RNF144A: variants seen among roughly 807,000 people sequenced by gnomAD.
RNF144A encodes the protein E3 ubiquitin-protein ligase RNF144A.
In RNF144A, 11 loss-of-function variants were observed where a neutral mutation model predicts 38.7. That is an observed-to-expected ratio of 0.28 (90% confidence interval 0.18 to 0.47). The LOEUF (loss-of-function observed/expected upper bound fraction) is 0.47, where lower values mean the gene tolerates loss of function less well. RNF144A is among the 20% of genes least tolerant of loss of function. RNF144A has a pLI of 0.99. For missense variants in RNF144A, 316 were observed against 377.2 expected (o/e 0.84, Z 1.34); for synonymous variants, 149 against 143.9 (o/e 1.04, Z -0.25).
the RNF144A span, among the ~76,000 whole-genome samples, chr2:7,075,288 C>G: frequency 2.2e-4 from 33 of 151,412 alleles, no homozygotes; most frequent in African/African-American, 5.1e-4. Flanking sequence ...ACATCCCCCC[C>G]CCCACACAGT....
chr2:7,061,384 T>C (rs1256863399), intron 6 of RNF144A, among the ~76,000 whole-genome samples: 2 of 152,224 alleles, frequency 1.3e-5, no homozygotes, highest in Non-Finnish European at 2.9e-5. Context: ...TAGTAGATAT[T>C]TTCTATTGTT....
chr2:6,980,134 G>A (rs751782571), intron 2 of RNF144A, among the ~76,000 whole-genome samples: 5 of 152,196 alleles, frequency 3.3e-5, no homozygotes, highest in Non-Finnish European at 5.9e-5. Context: ...CCCTCAACAT[G>A]TGAAGATTAC....
chr2:6,967,504 C>T (rs925361328), intron 2 of RNF144A, among the ~76,000 whole-genome samples: 1 of 152,208 alleles, frequency 6.6e-6, no homozygotes, highest in African/African-American at 2.4e-5. Flanking sequence ...CGCCCTGTGG[C>T]ACCCTGCCCT....
At chr2:6,974,954 G>C (rs545725259) in intron 2 of RNF144A, among the ~76,000 whole-genome samples, 1 of 152,192 alleles carries the variant, frequency 6.6e-6, no homozygotes, top group South Asian at 2.1e-4. Context: ...ATGATTGCTT[G>C]GTTATAACCG....
chr2:6,922,913 C>T lies in RNF144A; in HGVS notation c.-212+5291C>T, dbSNP rs113540914. ...TGCTGGGATTACAGGCGTGAGCCAC[C>T]GCGCCCGGCCTCCTGCTTTTTCATA... On this transcript the variant is annotated intron_variant, in intron 1 of 8. Transcript: ENST00000320892. Among the ~76,000 whole-genome samples, 672 of 152,264 alleles carry T rather than the reference C, an allele frequency of 4.4e-3. 2 individuals are homozygous for T. Among genetic ancestry groups the T allele is most frequent in the South Asian group, 0.013 (64 of 4,818 alleles).
At position 6,917,489 on chromosome 2, in the gene RNF144A, T is replaced by C. The variant is rs1411921140; in HGVS notation, c.-345T>C. 3.4e-5 allele frequency: 5 copies of C among 147,080 alleles called. No individual in the cohort carries two copies. Among genetic ancestry groups the C allele is most frequent in the African/African-American group, 4.9e-5 (2 of 40,844 alleles). The allele number at this position is 147,080 out of a possible 1,614,324, so 9.1% of individuals were successfully genotyped here. ...CTCGGCAGGCGGGAGGCGGCAGGGC[T>C]GGCATTGCAGTGCGGGCCGTGCGGG... On this transcript the variant is annotated 5_prime_UTR_variant, in exon 1 of 9. Transcript: ENST00000320892. This position sits in a 1 kb window ranked among gnomAD's most constrained non-coding sequence, Gnocchi z 4.8.
downstream of RNF144A, among the ~76,000 whole-genome samples, chr2:7,047,765 C>G (rs570414169): frequency 6.6e-6 from 1 of 152,342 alleles, no homozygotes; most frequent in East Asian, 1.9e-4. Context: ...GAGCTGAGAA[C>G]CTCTTCTGAG....
At chr2:7,025,525 A>T (rs1671827378) in intron 7 of RNF144A, among the ~76,000 whole-genome samples, 1 of 152,052 alleles carries the variant, frequency 6.6e-6, no homozygotes, top group Admixed American at 6.5e-5. Context: ...AATACAAATT[A>T]TCCAGTCATG....
intron 1 of RNF144A, among the ~76,000 whole-genome samples, chr2:6,936,844 A>AGTGTGTGTGTGTGTGTGT (rs55971680): frequency 5.6e-5 from 8 of 144,092 alleles, no homozygotes; most frequent in Admixed American, 1.4e-4. Flanking sequence ...CACACACAGT[A>AGTGTGTGTGTGTGTGTGT]GTGTGTGTGT....
chr2:6,987,723 C>T (rs1572343263), intron 2 of RNF144A, among the ~76,000 whole-genome samples: 1 of 152,280 alleles, frequency 6.6e-6, no homozygotes, highest in East Asian at 1.9e-4. Flanking sequence ...CTCCATCTGG[C>T]CCTGTGCTCA....
chr2:6,958,849 C>G lies in RNF144A; in HGVS notation c.-12+17702C>G, dbSNP rs746062832. On this transcript the variant is annotated intron_variant, in intron 2 of 8. Coordinates refer to ENST00000320892, the MANE Select transcript of RNF144A (RefSeq NM_014746.6). This position sits in a 1 kb window ranked among gnomAD's most constrained non-coding sequence, Gnocchi z 4.5. ...CAGAGATCAAGGTTGGGAGTGGGCC[C>G]TGCTGAAAGGAGCTTGGACACTATT... 2.0e-5 allele frequency among the ~76,000 whole-genome samples: 3 copies of G among 152,158 alleles called. No individual in the cohort carries two copies. The highest frequency in any genetic ancestry group is 4.4e-5 in the Non-Finnish European group (3 of 68,012).
chr2:7,073,253 C>G (rs914567007), downstream of RNF144A, among the ~76,000 whole-genome samples: 2 of 152,194 alleles, frequency 1.3e-5, no homozygotes, highest in Non-Finnish European at 2.9e-5. Context: ...TTCTCAGTCT[C>G]CTCCTCACCC....
intron 3 of RNF144A, among the ~76,000 whole-genome samples, chr2:6,997,591 G>A (rs528773630): frequency 2.6e-4 from 39 of 152,208 alleles, no homozygotes; most frequent in African/African-American, 8.7e-4. Flanking sequence ...ATGAATATGG[G>A]GACTTCTAAG....
chr2:6,998,513 C>T (rs1669903118), intron 3 of RNF144A, among the ~76,000 whole-genome samples: 2 of 152,312 alleles, frequency 1.3e-5, no homozygotes, highest in Non-Finnish European at 2.9e-5. Context: ...ATTCTGTATC[C>T]ACCTAGCACC....
intron 2 of RNF144A, among the ~76,000 whole-genome samples, chr2:6,965,035 A>G (rs1445732080): frequency 6.6e-6 from 1 of 152,216 alleles, no homozygotes; most frequent in Non-Finnish European, 1.5e-5. Flanking sequence ...GAGTTTAGGT[A>G]TACAAGTAGG....
chr2:6,970,975 T>A lies in RNF144A; in HGVS notation c.-11-25941T>A, dbSNP rs140525326. Among the ~76,000 whole-genome samples the A allele has an allele frequency of 7.9e-3, 1,199 of 152,388 alleles. 8 individuals are homozygous for A. Among genetic ancestry groups the A allele is most frequent in the Non-Finnish European group, 0.011 (754 of 68,046 alleles). On this transcript the variant is annotated intron_variant, in intron 2 of 8. Coordinates refer to ENST00000320892, the MANE Select transcript of RNF144A (RefSeq NM_014746.6). ...CTTTGAGAATATGAATTTTGTGCACTAAAATCACTCGTCTTTACCTTGCTT... is the reference window on the plus strand; with the variant it reads ...CTTTGAGAATATGAATTTTGTGCACAAAAATCACTCGTCTTTACCTTGCTT...
chr2:7,029,104 C>T (rs1010599365), intron 7 of RNF144A, among the ~76,000 whole-genome samples: 2 of 152,244 alleles, frequency 1.3e-5, no homozygotes, highest in African/African-American at 2.4e-5. Context: ...TCCTGGTTTT[C>T]GGAAGAGTGA....
intron 3 of RNF144A, among the ~76,000 whole-genome samples, chr2:7,008,158 A>T (rs1670568046): frequency 6.6e-6 from 1 of 152,234 alleles, no homozygotes; most frequent in African/African-American, 2.4e-5. Context: ...TCCCGGGCTC[A>T]GTCTTCAGAG....
rs376912639 is a variant in RNF144A at position 7,020,597 on chromosome 2, C to T, written c.426C>T (p.Phe142=). The part of the protein sequence containing the change: ...PVQCKACRME[F]CSTCKASWHP... Reference sequence around the variant, plus strand: ...AGTGCAAAGCCTGCCGTATGGAATTCTGCTCCACCTGCAAAGCCAGCTGGC... The same window carrying T: ...AGTGCAAAGCCTGCCGTATGGAATTTTGCTCCACCTGCAAAGCCAGCTGGC... The change falls in exon 6 of 9, where the codon TTC becomes TTT. Residue 142 remains phenylalanine (F), a synonymous_variant. Coordinates refer to ENST00000320892, the MANE Select transcript of RNF144A (RefSeq NM_014746.6). The T allele has an allele frequency of 1.1e-5, 17 of 1,611,622 alleles. No individual in the cohort carries two copies. The highest frequency in any genetic ancestry group is 1.4e-5 in the Non-Finnish European group (16 of 1,180,008).
Sources: gnomAD v4.1 joint callset for allele counts (sites outside exome capture counted in the v4.1 genomes callset) on GRCh38, gnomAD v4.1.1 for gene constraint, Gnocchi (gnomAD v3.1) non-coding constraint, MANE v1.5 for transcripts, NCBI Gene and HGNC (gene_info 2026-07-23, HGNC 2026-07-21) for gene names.